Variants in THSD7B observed in about 807,000 individuals in gnomAD.
THSD7B encodes the protein thrombospondin type-1 domain-containing protein 7B.
In THSD7B, 138 loss-of-function variants were observed where a neutral mutation model predicts 213.6. The observed-to-expected ratio is 0.65, with a 90% confidence interval of 0.56 to 0.74. The LOEUF (loss-of-function observed/expected upper bound fraction) is 0.74, where lower values mean the gene tolerates loss of function less well. Among genes scored for constraint, THSD7B ranks in the 30% least tolerant of loss-of-function variants. The pLI, the probability that THSD7B is intolerant of heterozygous loss-of-function variation, is 0.00. For missense variants in THSD7B, 1,931 were observed against 1,991.5 expected (o/e 0.97, Z 0.58); for synonymous variants, 742 against 687.0 (o/e 1.08, Z -1.25).
chr2:136,909,271 G>T (rs1684220312), intron 2 of THSD7B, among the ~76,000 whole-genome samples: 1 of 152,134 alleles, frequency 6.6e-6, no homozygotes, highest in South Asian at 2.1e-4. Flanking sequence ...GAGGTGTACA[G>T]TTCTAAATGC....
intron 2 of THSD7B, among the ~76,000 whole-genome samples, chr2:136,977,808 T>TGTTTTTAG (rs1553461921): frequency 1.1e-5 from 1 of 92,536 alleles, no homozygotes; most frequent in Admixed American, 8.9e-5. Flanking sequence ...TTTGTTTTTT[T>TGTTTTTAG]TTTTTTTTTT....
At chr2:136,952,517 C>T (rs1685053695) in intron 2 of THSD7B, among the ~76,000 whole-genome samples, 2 of 149,344 alleles carry the variant, frequency 1.3e-5, no homozygotes, top group South Asian at 4.2e-4. Context: ...CTCAAACTCG[C>T]TCAGTGGCAG....
At chr2:136,951,297 T>C (rs752752043) in intron 2 of THSD7B, among the ~76,000 whole-genome samples, 11 of 152,234 alleles carry the variant, frequency 7.2e-5, no homozygotes, top group Non-Finnish European at 1.5e-4. Context: ...TTTCTTGTTA[T>C]CTTCCCTATT....
chr2:137,136,808 A>AT (rs1355785351), intron 5 of THSD7B, among the ~76,000 whole-genome samples: 2 of 152,020 alleles, frequency 1.3e-5, no homozygotes, highest in Non-Finnish European at 1.5e-5. Context: ...TTTCATCTTA[A>AT]TTTTTTTCTG....
chr2:137,279,838 T>C (rs1682961962), intron 12 of THSD7B, among the ~76,000 whole-genome samples: 1 of 152,054 alleles, frequency 6.6e-6, no homozygotes, highest in African/African-American at 2.4e-5. Context: ...TGACTTTATT[T>C]GCAAAAAGGA....
chr2:136,786,946 A>G (rs966206487), intron 1 of THSD7B, among the ~76,000 whole-genome samples: 1 of 152,188 alleles, frequency 6.6e-6, no homozygotes, highest in African/African-American at 2.4e-5. Context: ...GGGGTACATC[A>G]GCTTTCTCTG....
rs183297562 is a variant in THSD7B, at chr2:136,897,577, C to T, written c.139+15260C>T. ...CAGTAGCAAGATTTATTGTGAAGAG[C>T]GAAAGAACAAAGCTTCCACAGTGTG... On this transcript the variant is annotated intron_variant, in intron 2 of 27. Coordinates refer to ENST00000409968, the MANE Select transcript of THSD7B (RefSeq NM_001316349.2). Among the ~76,000 whole-genome samples, 176 of 152,216 alleles carry T rather than the reference C, an allele frequency of 1.2e-3. 3 individuals are homozygous for T. In the East Asian group the frequency reaches 0.02, roughly 17 times the overall value.
intron 5 of THSD7B, among the ~76,000 whole-genome samples, chr2:137,121,565 T>C (rs577890954): frequency 1.3e-5 from 2 of 152,282 alleles, no homozygotes; most frequent in South Asian, 2.1e-4. Flanking sequence ...ATTTTGGCAA[T>C]GGTTTTACAA....
intron 2 of THSD7B, among the ~76,000 whole-genome samples, chr2:136,887,014 G>T (rs1401557922): frequency 2.0e-5 from 3 of 152,128 alleles, no homozygotes; most frequent in Non-Finnish European, 4.4e-5. Flanking sequence ...ATCTGGCATA[G>T]GTAGAGGATA....
intron 2 of THSD7B, among the ~76,000 whole-genome samples, chr2:136,983,238 C>T (rs1188463652): frequency 6.6e-6 from 1 of 151,850 alleles, no homozygotes; most frequent in African/African-American, 2.4e-5. Context: ...TAGGTGAGGA[C>T]AATAAAATCA....
At chr2:137,231,266 T>C in intron 8 of THSD7B, 31 bp downstream of exon 8, 1 of 1,563,270 alleles carries the variant, frequency 6.4e-7, no homozygotes, top group Non-Finnish European at 8.7e-7. Flanking sequence ...TCACTTTGGA[T>C]TCATTAGCCC....
intron 15 of THSD7B, among the ~76,000 whole-genome samples, chr2:137,559,259 C>T (rs190956410): frequency 5.8e-4 from 89 of 152,242 alleles, no homozygotes; most frequent in Non-Finnish European, 1.1e-3. Flanking sequence ...ATTGCCAAGT[C>T]AATCCTAAGC....
chr2:137,012,525 T>G (rs1281662493), intron 2 of THSD7B, among the ~76,000 whole-genome samples: 1 of 152,220 alleles, frequency 6.6e-6, no homozygotes, highest in African/African-American at 2.4e-5. Context: ...TTTAAAAGCT[T>G]CATGGAGAAG....
chr2:137,018,031 T>A (rs1331867717), intron 2 of THSD7B, among the ~76,000 whole-genome samples: 1 of 151,984 alleles, frequency 6.6e-6, no homozygotes, highest in Non-Finnish European at 1.5e-5. Flanking sequence ...TTCTCTTTTA[T>A]GAGTGAAAAA....
intron 2 of THSD7B, among the ~76,000 whole-genome samples, chr2:136,884,652 G>C (rs1683686283): frequency 6.6e-6 from 1 of 152,132 alleles, no homozygotes; most frequent in African/African-American, 2.4e-5. Flanking sequence ...CATGTAAGTG[G>C]AATCATACTC....
At chr2:137,343,553 G>A (rs188953288) in intron 12 of THSD7B, among the ~76,000 whole-genome samples, 6 of 151,786 alleles carry the variant, frequency 4.0e-5, no homozygotes, top group Admixed American at 3.9e-4. Flanking sequence ...GGTGTTTGGG[G>A]CAGGATGACT....
At chr2:136,998,535 G>T (rs890584008) in intron 2 of THSD7B, among the ~76,000 whole-genome samples, 1 of 152,076 alleles carries the variant, frequency 6.6e-6, no homozygotes, top group Non-Finnish European at 1.5e-5. Flanking sequence ...TTTTACTGAG[G>T]AATTAGACTT....
chr2:137,546,373 TATA>T (rs1553458956), intron 15 of THSD7B, among the ~76,000 whole-genome samples: 2 of 55,012 alleles, frequency 3.6e-5, no homozygotes, highest in East Asian at 4.9e-4. Flanking sequence ...TATATATATA[TATA>T]ATATATATAT....
At chr2:136,926,712 A>T (rs1167890575) in intron 2 of THSD7B, among the ~76,000 whole-genome samples, 1 of 151,978 alleles carries the variant, frequency 6.6e-6, no homozygotes, top group African/African-American at 2.4e-5. Flanking sequence ...AAAGAAAAAA[A>T]AAAACACAAA....
Sources: allele counts gnomAD v4.1 joint callset (sites outside exome capture counted in the v4.1 genomes callset), GRCh38; gene constraint gnomAD v4.1.1; transcripts MANE v1.5; gene names NCBI Gene and HGNC (gene_info 2026-07-23, HGNC 2026-07-21).